NCOA7: variants seen among roughly 807,000 people sequenced by gnomAD.
NCOA7 encodes nuclear receptor coactivator 7.
A neutral mutation model predicts 104.3 loss-of-function variants in NCOA7; 45 were observed. That is an observed-to-expected ratio of 0.43 (90% CI 0.34 to 0.55). The LOEUF (loss-of-function observed/expected upper bound fraction) is 0.55, where lower values mean the gene tolerates loss of function less well. Ranked by LOEUF, NCOA7 falls within the 20% of genes least tolerant of loss-of-function variation. The pLI, the probability that NCOA7 is intolerant of heterozygous loss-of-function variation, is 0.02. For missense variants in NCOA7, 1,041 were observed against 1,119.7 expected, an observed-to-expected ratio of 0.93 and a Z score of 1.00; for synonymous variants, 398 against 402.3, an observed-to-expected ratio of 0.99 and a Z score of 0.13.
Position 125,928,948 on chromosome 6 carries a change from G to T in NCOA7, c.*177G>T. On this transcript the variant is annotated 3_prime_UTR_variant, in exon 16 of 16. Coordinates refer to ENST00000392477, the MANE Select transcript of NCOA7 (RefSeq NM_181782.5). ...AAAGATTCTGGAAGGTCCATGTAGA[G>T]GGCAGACATTGAAGAAAGAAACTTA... 1.7e-6 allele frequency: 1 copy of T among 575,460 alleles called. No individual in the cohort carries two copies. Among genetic ancestry groups the T allele is most frequent in the South Asian group, 3.9e-5 (1 of 25,550 alleles). The allele number at this position is 575,460 out of a possible 1,614,324, so 35.6% of individuals were successfully genotyped here. A position where few individuals can be genotyped will look rare whatever the true frequency, so the allele number is the denominator to read the frequency against.
intron 2 of NCOA7, among the ~76,000 whole-genome samples, chr6:125,830,185 G>A (rs911061193): frequency 3.9e-5 from 6 of 152,012 alleles, no homozygotes; most frequent in East Asian, 1.9e-4. Flanking sequence ...TTGTTACTTC[G>A]AATCCATACA....
chr6:125,804,361 A>G (rs962478235), intron 1 of NCOA7, among the ~76,000 whole-genome samples: 4 of 152,186 alleles, frequency 2.6e-5, no homozygotes, highest in Non-Finnish European at 5.9e-5. Context: ...GTGCCACAGC[A>G]TAGTAGGGGG....
chr6:125,914,366 T>C (rs942263611), intron 10 of NCOA7, among the ~76,000 whole-genome samples: 7 of 152,198 alleles, frequency 4.6e-5, no homozygotes, highest in African/African-American at 1.7e-4. Context: ...GAAAGCTGTA[T>C]AAACGATGTA....
At chr6:125,878,428 G>T in intron 5 of NCOA7, 58 bp downstream of exon 5, 1 of 1,174,338 alleles carries the variant, frequency 8.5e-7, no homozygotes, top group Non-Finnish European at 1.2e-6. Context: ...TTTTATTGCC[G>T]TTTTCAGTGC....
At chr6:125,919,615 C>A (rs1022862314) in intron 11 of NCOA7, among the ~76,000 whole-genome samples, 3 of 152,090 alleles carry the variant, frequency 2.0e-5, no homozygotes, top group African/African-American at 7.2e-5. Context: ...AGCCAGAAAT[C>A]CATATTTGAT....
chr6:125,788,174 A>G (rs1273024308), upstream of NCOA7, among the ~76,000 whole-genome samples: 1 of 152,234 alleles, frequency 6.6e-6, no homozygotes, highest in Non-Finnish European at 1.5e-5. Context: ...ACTGTTCAAA[A>G]GGATTTTCTG....
rs1788353046 is a variant in NCOA7 at position 125,929,755 on chromosome 6, AT to A, written c.*985del. The A allele has an allele frequency of 6.6e-6, 1 of 152,212 alleles. No individual in the cohort carries two copies. Among genetic ancestry groups the A allele is most frequent in the Non-Finnish European group, 1.5e-5 (1 of 68,028 alleles). The allele number at this position is 152,212 out of a possible 1,614,324, so 9.4% of individuals were successfully genotyped here. A position where few individuals can be genotyped will look rare whatever the true frequency, so the allele number is the denominator to read the frequency against. On this transcript the variant is annotated 3_prime_UTR_variant, in exon 16 of 16. Coordinates refer to ENST00000392477, the MANE Select transcript of NCOA7 (RefSeq NM_181782.5). ...GAACAAATCCTGCTTTTGAAAAAAA[AT>A]GTTTTGCTTCTTACAAAATCATTTG...
intron 13 of NCOA7, among the ~76,000 whole-genome samples, chr6:125,924,712 G>C (rs1787874963): frequency 1.3e-5 from 2 of 152,102 alleles, no homozygotes; most frequent in Non-Finnish European, 2.9e-5. Context: ...ATTAATCTCA[G>C]TTATAACAGT....
chr6:125,886,903 C>T (rs9491528), intron 8 of NCOA7, among the ~76,000 whole-genome samples: 7,702 of 152,278 alleles, frequency 0.051, 545 homozygotes, highest in African/African-American at 0.16. Context: ...TGTATGTGCG[C>T]GTGCACACAC....
At chr6:125,892,452 C>T (rs144693257) in intron 10 of NCOA7, among the ~76,000 whole-genome samples, 5,243 of 152,116 alleles carry the variant, frequency 0.034, 135 homozygotes, top group Middle Eastern at 0.065. Flanking sequence ...GGGTGAATCA[C>T]CTGAGGTCAG....
chr6:125,917,557 GT>G (rs1787192710), intron 11 of NCOA7, among the ~76,000 whole-genome samples: 1 of 152,166 alleles, frequency 6.6e-6, no homozygotes, highest in South Asian at 2.1e-4. Context: ...TTTGGCATCT[GT>G]ATCCTATAAA....
At chr6:125,837,124 A>C (rs1239447043) in intron 2 of NCOA7, among the ~76,000 whole-genome samples, 2 of 152,218 alleles carry the variant, frequency 1.3e-5, no homozygotes, top group Non-Finnish European at 2.9e-5. Flanking sequence ...TTTGCTTGAG[A>C]AATTAGCCTA....
intron 8 of NCOA7, among the ~76,000 whole-genome samples, chr6:125,886,183 G>C (rs1183513006): frequency 8.3e-6 from 1 of 120,464 alleles, no homozygotes; most frequent in Admixed American, 7.6e-5. Flanking sequence ...AAAAAAAAAA[G>C]GAAGTTACTA....
intron 2 of NCOA7, among the ~76,000 whole-genome samples, chr6:125,849,826 C>CA (rs1562902118): frequency 6.6e-6 from 1 of 152,118 alleles, no homozygotes; most frequent in East Asian, 1.9e-4. Context: ...CACTTGTACT[C>CA]ACAGCAATCA....
chr6:125,809,309 C>T lies in NCOA7; in HGVS notation c.-64-5982C>T, dbSNP rs114378316. Among the ~76,000 whole-genome samples the T allele has an allele frequency of 6.3e-3, 964 of 152,096 alleles. 9 individuals are homozygous for T. Among genetic ancestry groups the T allele is most frequent in the African/African-American group, 0.02 (840 of 41,472 alleles). ...GTTGATCTCGTGCCTCAGCTACCTGCGTAGCTGGGACACCAGGCATGTGCC... is the reference window on the plus strand; with the variant it reads ...GTTGATCTCGTGCCTCAGCTACCTGTGTAGCTGGGACACCAGGCATGTGCC... On this transcript the variant is annotated intron_variant, in intron 1 of 15. Transcript: ENST00000392477.
At chr6:125,885,871 T>C (rs535513678) in intron 8 of NCOA7, among the ~76,000 whole-genome samples, 1 of 152,292 alleles carries the variant, frequency 6.6e-6, no homozygotes, top group African/African-American at 2.4e-5. Context: ...GTTTGCTTTT[T>C]CCCTGAAATA....
intron 10 of NCOA7, among the ~76,000 whole-genome samples, chr6:125,908,020 T>TA (rs1253363051): frequency 1.3e-5 from 2 of 152,140 alleles, no homozygotes; most frequent in Non-Finnish European, 2.9e-5. Flanking sequence ...AGCCTGTGCT[T>TA]ACTCAGTTTA....
Position 125,798,524 on chromosome 6 carries a change from AG to A in NCOA7, c.-65+7458del, listed in dbSNP as rs1276950717. Among the ~76,000 whole-genome samples the A allele has an allele frequency of 2.0e-5, 3 of 152,244 alleles. No individual in the cohort carries two copies. In the East Asian group the frequency reaches 5.8e-4, roughly 29 times the overall value. On this transcript the variant is annotated intron_variant, in intron 1 of 15. Transcript: ENST00000392477. ...AAAAATTTGAGAAAAATTCAACAGT[AG>A]AGTCATTTTTTAAGTGATAGTAAAT...
intron 2 of NCOA7, among the ~76,000 whole-genome samples, chr6:125,824,733 A>C (rs957434564): frequency 2.0e-5 from 3 of 152,078 alleles, no homozygotes; most frequent in South Asian, 2.1e-4. Flanking sequence ...AAGTGATTTA[A>C]ACTGTCTCCT....
Sources: allele counts gnomAD v4.1 joint callset (sites outside exome capture counted in the v4.1 genomes callset), GRCh38; gene constraint gnomAD v4.1.1; transcripts MANE v1.5; gene names NCBI Gene and HGNC (gene_info 2026-07-23, HGNC 2026-07-21).